RIGI: variants seen among roughly 807,000 people sequenced by gnomAD.
RIGI encodes the protein RNA sensor RIG-I.
At chr9:32,464,214 T>A in the RIGI span, among the ~76,000 whole-genome samples, 1 of 151,490 alleles carries the variant, frequency 6.6e-6, no homozygotes, top group African/African-American at 2.4e-5. Flanking sequence ...TGCCCTCTGT[T>A]CTGCAGAGTT....
At chr9:32,477,402 A>G in the RIGI span, among the ~76,000 whole-genome samples, 13 of 152,206 alleles carry the variant, frequency 8.5e-5, no homozygotes, top group African/African-American at 2.9e-4. Context: ...AGAGGTCTCC[A>G]AGGATTTCAC....
At chr9:32,485,834 C>T in the RIGI span, among the ~76,000 whole-genome samples, 11 of 152,178 alleles carry the variant, frequency 7.2e-5, no homozygotes, top group African/African-American at 1.2e-4. Flanking sequence ...CCACCGCACC[C>T]GGCCTAACCA....
At chr9:32,463,612 G>A in the RIGI span, among the ~76,000 whole-genome samples, 7 of 152,222 alleles carry the variant, frequency 4.6e-5, no homozygotes, top group East Asian at 1.4e-3. Flanking sequence ...AACTATTACA[G>A]CTATACTTAA....
the RIGI span, chr9:32,466,477 A>C: frequency 1.3e-6 from 2 of 1,548,942 alleles, no homozygotes; most frequent in Non-Finnish European, 1.7e-6. Flanking sequence ...GGTGTTTTTG[A>C]CTTAAAGCTC....
At chr9:32,483,566 T>C in the RIGI span, among the ~76,000 whole-genome samples, 4 of 152,140 alleles carry the variant, frequency 2.6e-5, no homozygotes, top group South Asian at 2.1e-4. Flanking sequence ...CTGGATAATA[T>C]GACAATCTCC....
the RIGI span, among the ~76,000 whole-genome samples, chr9:32,508,695 T>A: frequency 1.3e-5 from 2 of 151,984 alleles, no homozygotes; most frequent in African/African-American, 4.8e-5. Context: ...GACACTGAGC[T>A]AGCTGCAGTT....
chr9:32,480,492 G>C, the RIGI span: 9 of 792,026 alleles, frequency 1.1e-5, no homozygotes, highest in African/African-American at 1.7e-5. Context: ...GCTTTTTAAA[G>C]ATGAATGGCC....
the RIGI span, among the ~76,000 whole-genome samples, chr9:32,507,244 TAA>T: frequency 5.9e-5 from 9 of 152,170 alleles, no homozygotes; most frequent in Admixed American, 2.0e-4. Context: ...ATAAAACTCA[TAA>T]AAGTTATGCT....
At chr9:32,495,682 T>C in the RIGI span, among the ~76,000 whole-genome samples, 20 of 127,924 alleles carry the variant, frequency 1.6e-4, no homozygotes, top group Non-Finnish European at 3.1e-4. Context: ...TTTTTTGAGA[T>C]GGAGTCTCGC....
the RIGI span, among the ~76,000 whole-genome samples, chr9:32,470,408 C>A: frequency 6.6e-6 from 1 of 152,300 alleles, no homozygotes; most frequent in Admixed American, 6.5e-5. Context: ...CAGCCACAGA[C>A]AATACATACA....
the RIGI span, chr9:32,500,773 C>T: frequency 6.2e-7 from 1 of 1,601,104 alleles, no homozygotes; most frequent in East Asian, 2.2e-5. Context: ...AAGTAATATC[C>T]TCTGATTTGT....
the RIGI span, chr9:32,459,660 G>A: frequency 1.3e-6 from 1 of 775,884 alleles, no homozygotes; most frequent in Non-Finnish European, 1.9e-6. Flanking sequence ...ACCTGACTTT[G>A]TAAAATCACA....
chr9:32,487,536 G>A, the RIGI span: 12 of 1,614,152 alleles, frequency 7.4e-6, no homozygotes, highest in Admixed American at 1.8e-4. Context: ...TGCTATCACT[G>A]ACGCATCAAG....
chr9:32,496,700 T>C, the RIGI span, among the ~76,000 whole-genome samples: 1 of 152,354 alleles, frequency 6.6e-6, no homozygotes, highest in South Asian at 2.1e-4. Flanking sequence ...TATCCCATCA[T>C]ATGTACACAC....
the RIGI span, chr9:32,459,518 A>G: frequency 1.9e-6 from 3 of 1,601,684 alleles, no homozygotes; most frequent in Non-Finnish European, 2.5e-6. Flanking sequence ...GCAGAATCTA[A>G]TGCAAAAAGA....
the RIGI span, chr9:32,456,955 T>A: frequency 1.7e-6 from 1 of 599,354 alleles, no homozygotes; most frequent in South Asian, 2.2e-5. Flanking sequence ...GTGCTGTGAT[T>A]CACTCATTTG....
At chr9:32,470,821 C>T in the RIGI span, among the ~76,000 whole-genome samples, 2 of 152,178 alleles carry the variant, frequency 1.3e-5, no homozygotes, top group Non-Finnish European at 2.9e-5. Context: ...GAGGATCAGA[C>T]CAGAAACAAA....
At chr9:32,497,738 G>A in the RIGI span, among the ~76,000 whole-genome samples, 8 of 152,278 alleles carry the variant, frequency 5.3e-5, no homozygotes, top group East Asian at 1.4e-3. Context: ...GCGACAGAGC[G>A]AGACTCCGTC....
the RIGI span, among the ~76,000 whole-genome samples, chr9:32,484,152 A>G: frequency 6.6e-6 from 1 of 152,166 alleles, no homozygotes; most frequent in African/African-American, 2.4e-5. Context: ...CAGGGCTCAG[A>G]CTGCAGGTTA....
Sources: gnomAD v4.1 joint callset for allele counts (sites outside exome capture counted in the v4.1 genomes callset) on GRCh38, gnomAD v4.1.1 for gene constraint, MANE v1.5 for transcripts, NCBI Gene and HGNC (gene_info 2026-07-23, HGNC 2026-07-21) for gene names.